The following GALNTL6 variants were observed in gnomAD, a reference collection of about 807,000 sequenced individuals.
GALNTL6 encodes the protein polypeptide N-acetylgalactosaminyltransferase-like 6.
GALNTL6 carries 46 observed loss-of-function variants against 73.7 expected under a neutral mutation model. That is an observed-to-expected ratio of 0.62 (90% CI 0.49 to 0.80). The LOEUF is 0.80. Ranked by LOEUF, GALNTL6 falls within the 30% of genes least tolerant of loss-of-function variation. GALNTL6 has a pLI of 0.00. For synonymous variants in GALNTL6, 259 were observed against 263.7 expected (o/e 0.98, Z 0.17); for missense variants, 604 against 755.0 (o/e 0.80, Z 2.34).
chr4:172,871,734 G>C (rs1220085666), intron 7 of GALNTL6, among the ~76,000 whole-genome samples: 1 of 150,364 alleles, frequency 6.7e-6, no homozygotes, highest in African/African-American at 2.5e-5. Flanking sequence ...TCAGTTTGGA[G>C]ATACTGGTAA....
intron 3 of GALNTL6, among the ~76,000 whole-genome samples, chr4:172,302,922 A>G (rs1007537786): frequency 2.6e-5 from 4 of 152,082 alleles, no homozygotes; most frequent in African/African-American, 9.7e-5. Flanking sequence ...TTACACAGAC[A>G]GGATTTTTAT....
chr4:173,009,803 T>G (rs1752464894), intron 11 of GALNTL6, among the ~76,000 whole-genome samples: 1 of 152,208 alleles, frequency 6.6e-6, no homozygotes, highest in Non-Finnish European at 1.5e-5. Flanking sequence ...CACCCCAACA[T>G]GGACTTCAGG....
At chr4:172,370,574 T>A (rs964556324) in intron 5 of GALNTL6, among the ~76,000 whole-genome samples, 1 of 134,176 alleles carries the variant, frequency 7.5e-6, no homozygotes, top group Non-Finnish European at 1.5e-5. Context: ...GAGCTTGCAG[T>A]GAGTCGAGAT....
chr4:172,867,642 C>A (rs908272481), intron 7 of GALNTL6, among the ~76,000 whole-genome samples: 1 of 152,236 alleles, frequency 6.6e-6, no homozygotes, highest in African/African-American at 2.4e-5. Flanking sequence ...ACCTCATGTT[C>A]TTCGCCACTA....
intron 7 of GALNTL6, among the ~76,000 whole-genome samples, chr4:172,815,294 G>A (rs1741537003): frequency 6.6e-6 from 1 of 152,084 alleles, no homozygotes. Flanking sequence ...GATGAGAAAA[G>A]AAAATAAATT....
intron 5 of GALNTL6, among the ~76,000 whole-genome samples, chr4:172,438,537 AC>A (rs1731719685): frequency 6.6e-6 from 1 of 152,022 alleles, no homozygotes; most frequent in South Asian, 2.1e-4. Context: ...TTGTTTTCAT[AC>A]ATCCTCAACC....
At chr4:172,997,676 TAA>T (rs1250881988) in intron 10 of GALNTL6, among the ~76,000 whole-genome samples, 1 of 152,106 alleles carries the variant, frequency 6.6e-6, no homozygotes, top group Non-Finnish European at 1.5e-5. Context: ...AGATGTGGAT[TAA>T]AGAGTACAAA....
intron 2 of GALNTL6, among the ~76,000 whole-genome samples, chr4:172,048,841 CA>C (rs1023702939): frequency 6.6e-6 from 1 of 151,922 alleles, no homozygotes; most frequent in Non-Finnish European, 1.5e-5. Context: ...TTGCATCTTC[CA>C]AAAAAAGACA....
At chr4:172,359,829 T>A (rs1209158771) in intron 5 of GALNTL6, among the ~76,000 whole-genome samples, 1 of 152,142 alleles carries the variant, frequency 6.6e-6, no homozygotes, top group African/African-American at 2.4e-5. Context: ...TACTTCTCTG[T>A]GAAAGGTGAG....
intron 5 of GALNTL6, among the ~76,000 whole-genome samples, chr4:172,803,362 T>C (rs1740769139): frequency 6.6e-6 from 1 of 152,134 alleles, no homozygotes; most frequent in Admixed American, 6.5e-5. Context: ...GAACTACACA[T>C]GTGAGGGATC....
intron 3 of GALNTL6, among the ~76,000 whole-genome samples, chr4:172,305,444 A>C (rs1252800017): frequency 6.6e-6 from 1 of 152,162 alleles, no homozygotes; most frequent in South Asian, 2.1e-4. Context: ...ACTAATTCTC[A>C]TATTTAAAGA....
intron 2 of GALNTL6, among the ~76,000 whole-genome samples, chr4:171,947,146 T>C (rs905956476): frequency 6.6e-6 from 1 of 152,118 alleles, no homozygotes; most frequent in Admixed American, 6.6e-5. Context: ...TTCTTATCCA[T>C]TATCTCTCTT....
intron 5 of GALNTL6, among the ~76,000 whole-genome samples, chr4:172,520,452 T>C (rs2110815441): frequency 6.6e-6 from 1 of 152,092 alleles, no homozygotes; most frequent in African/African-American, 2.4e-5. Flanking sequence ...ATATATACTG[T>C]TATTTTGTGA....
At chr4:172,019,981 A>G (rs1019341415) in intron 2 of GALNTL6, among the ~76,000 whole-genome samples, 6 of 152,152 alleles carry the variant, frequency 3.9e-5, no homozygotes, top group Admixed American at 3.9e-4. Context: ...TTCTGATCAT[A>G]ATGTAATAAA....
intron 3 of GALNTL6, among the ~76,000 whole-genome samples, chr4:172,290,884 A>G (rs559466516): frequency 3.3e-5 from 5 of 151,902 alleles, no homozygotes; most frequent in African/African-American, 1.2e-4. Flanking sequence ...GAAAACCCAC[A>G]TAAAAAATAA....
intron 10 of GALNTL6, among the ~76,000 whole-genome samples, chr4:173,005,934 A>G (rs1373715631): frequency 6.6e-6 from 1 of 152,218 alleles, no homozygotes; most frequent in Non-Finnish European, 1.5e-5. Context: ...AGAAAATGGT[A>G]TCCTCCATCC....
rs188862099 is a variant in GALNTL6 at position 172,495,968 on chromosome 4, A to G, written c.553+147279A>G. 3.8e-3 allele frequency among the ~76,000 whole-genome samples: 583 copies of G among 152,348 alleles called. 4 individuals carry two copies. The highest frequency in any genetic ancestry group is 0.013 in the African/African-American group (552 of 41,570). ...TTATCAAAACACTCTGAGAACCTCA[A>G]AGCTTGCCAAGAATTGCATAAAACA... is the stretch of plus-strand genomic sequence containing the variant. On this transcript the variant is annotated intron_variant, in intron 5 of 12. Coordinates refer to ENST00000506823, the MANE Select transcript of GALNTL6 (RefSeq NM_001034845.3).
At chr4:172,906,536 T>C (rs1746903472) in intron 8 of GALNTL6, among the ~76,000 whole-genome samples, 1 of 152,224 alleles carries the variant, frequency 6.6e-6, no homozygotes, top group South Asian at 2.1e-4. Flanking sequence ...AGCAGAGTTC[T>C]CTGCTAAGGT....
chr4:173,026,484 A>T (rs1287227016), intron 12 of GALNTL6, among the ~76,000 whole-genome samples: 1 of 152,226 alleles, frequency 6.6e-6, no homozygotes, highest in African/African-American at 2.4e-5. Flanking sequence ...ATGCAGTGAC[A>T]TCCGGGCCAG....
Sources: gnomAD v4.1 joint callset for allele counts (sites outside exome capture counted in the v4.1 genomes callset) on GRCh38, gnomAD v4.1.1 for gene constraint, MANE v1.5 for transcripts, NCBI Gene and HGNC (gene_info 2026-07-23, HGNC 2026-07-21) for gene names.